Variants in HR observed in about 807,000 individuals in gnomAD.
HR encodes the protein lysine-specific demethylase hairless.
In HR, 83 loss-of-function variants were observed where a neutral mutation model predicts 128.6. The observed-to-expected ratio is 0.65, with a 90% CI of 0.54 to 0.77. HR has a LOEUF of 0.77. Among genes scored for constraint, HR ranks in the 30% least tolerant of loss-of-function variants. HR has a pLI of 0.00. For missense variants in HR, 1,490 were observed against 1,574.6 expected, an observed-to-expected ratio of 0.95 and a Z score of 0.91; for synonymous variants, 681 against 658.2, an observed-to-expected ratio of 1.03 and a Z score of -0.53.
chr8:22,127,828 C>A lies in HR; in HGVS notation c.614G>T (p.Gly205Val), dbSNP rs746502941. 3 of 1,598,544 alleles carry A rather than the reference C, an allele frequency of 1.9e-6. No homozygotes were observed. Among genetic ancestry groups the A allele is most frequent in the Admixed American group, 1.7e-5 (1 of 60,022 alleles). ...AATGCTCGGATCCTTGTAGTAAAAG[C>A]CCTAAAGAGGGGAGAAAGTGTTACG... ...VPSAFSLGSKGFYYKDPSIPR... is the reference protein window; with the variant it reads ...VPSAFSLGSKVFYYKDPSIPR... Residue 205 changes from glycine (G) to valine (V), a missense_variant and splice_region_variant, in exon 3 of 19, where the codon GGC (glycine) becomes GTC (valine). This residue lies in a region of HR where 1,060 missense variants were observed against 1,060.9 expected (regional missense o/e 1.00). Coordinates refer to ENST00000381418, the MANE Select transcript of HR (RefSeq NM_005144.5).
Position 22,123,629 on chromosome 8 carries a change from AC to A in HR, c.1915+19del. 1 of 123,836 alleles carries A rather than the reference AC, an allele frequency of 8.1e-6. No homozygotes were observed. Among genetic ancestry groups the A allele is most frequent in the Non-Finnish European group, 1.5e-5 (1 of 68,424 alleles). The allele number at this position is 123,836 out of a possible 1,614,324, so 7.7% of individuals were successfully genotyped here. Reference sequence around the variant, plus strand: ...CCTGAGGGCTCCATCCCGCCCTCCCACCCCCAGCCCCTCTCCTACCTGCTTT... The same window carrying A: ...CCTGAGGGCTCCATCCCGCCCTCCCACCCCAGCCCCTCTCCTACCTGCTTT... On this transcript the variant is annotated intron_variant, in intron 6 of 18. Transcript: ENST00000381418.
At chr8:22,128,276 C>A in intron 2 of HR, 1 of 564,364 alleles carries the variant, frequency 1.8e-6, no homozygotes, top group Admixed American at 3.1e-5. Context: ...CCAGGACAAG[C>A]CACACATTCC....
rs770296419 is a variant in HR at position 22,127,165 on chromosome 8, G to A, written c.1277C>T (p.Pro426Leu). The A allele has an allele frequency of 1.2e-6, 2 of 1,612,854 alleles. No individual in the cohort carries two copies. Among genetic ancestry groups the A allele is most frequent in the Non-Finnish European group, 8.5e-7 (1 of 1,179,936 alleles). The change falls in exon 3 of 19, where the codon CCA becomes CTA. Residue 426 changes from proline (P) to leucine (L), a missense_variant. Pro to Leu is a moderately conservative substitution (Grantham distance 98). Around this residue, in one of 3 missense-constraint regions of HR, gnomAD observed 1,060 missense variants for 1,060.9 expected, o/e 1.00. Transcript: ENST00000381418. ...AGGGTCCGGTGGCCGCTTGGGGGCT[G>A]GACTGCCCATTGCTCCCTGGACCTC... ...SPEVQGAMGS[P>L]APKRPPDPFP...
chr8:22,124,099 G>A (rs1356147996), intron 5 of HR, among the ~76,000 whole-genome samples: 9 of 152,152 alleles, frequency 5.9e-5, no homozygotes, highest in Admixed American at 5.9e-4. Context: ...TGCCCCCAGG[G>A]ACTTCCCCAC....
Position 22,125,685 on chromosome 8 carries a change from T to C in HR, c.1453A>G (p.Ile485Val), listed in dbSNP as rs746523235. The C allele has an allele frequency of 6.2e-7, 1 of 1,613,964 alleles. No homozygotes were observed. The highest frequency in any genetic ancestry group is 1.1e-5 in the South Asian group (1 of 91,006). Reference sequence around the variant, plus strand: ...TTTGCAGGGAGAGCCAGGCATGGTATGTCCTGAAGTCCCGGGTCCTGGAGA... The same window carrying C: ...TTTGCAGGGAGAGCCAGGCATGGTACGTCCTGAAGTCCCGGGTCCTGGAGA... ...ASLQDPGLQDIPCLALPAKLA... is the reference protein window; with the variant it reads ...ASLQDPGLQDVPCLALPAKLA... The change falls in exon 4 of 19, where the codon ATA (isoleucine) becomes GTA (valine). Residue 485 changes from isoleucine to valine, a missense_variant. Physicochemically the swap from Ile to Val is conservative, Grantham distance 29. Around this residue, in one of 3 missense-constraint regions of HR, gnomAD observed 1,060 missense variants for 1,060.9 expected, o/e 1.00. Coordinates refer to ENST00000381418, the MANE Select transcript of HR (RefSeq NM_005144.5).
chr8:22,130,153 C>T (rs984259641), intron 1 of HR, among the ~76,000 whole-genome samples: 2 of 152,242 alleles, frequency 1.3e-5, no homozygotes, highest in Non-Finnish European at 1.5e-5. Flanking sequence ...TGACAGGTGG[C>T]ACTAGAGCGG....
chr8:22,129,584 C>T (rs1448485263), intron 1 of HR, among the ~76,000 whole-genome samples: 1 of 152,278 alleles, frequency 6.6e-6, no homozygotes, highest in Non-Finnish European at 1.5e-5. Context: ...CTGTCCTATG[C>T]TGTATGGCCT....
chr8:22,129,283 G>A, intron 1 of HR, 73 bp from the exon 2 acceptor site: 1 of 1,350,190 alleles, frequency 7.4e-7, no homozygotes, highest in Non-Finnish European at 9.9e-7. Context: ...GCACAGAGTG[G>A]GCACCGCCCT....
Position 22,128,633 on chromosome 8 carries a change from G to A in HR, c.538C>T (p.Pro180Ser), listed in dbSNP as rs142704528. 6.3e-7 allele frequency: 1 copy of A among 1,599,548 alleles called. No homozygotes were observed. The highest frequency in any genetic ancestry group is 1.8e-5 in the Admixed American group (1 of 57,004). The stretch of plus-strand genomic sequence containing the variant: ...TATACCCAGGGGTGCGGGGTCAGGG[G>A]CCAGTCACATGGATGCTCTGGGGGC... ...GLPPEHPCDW[P>S]LTPHPWVYSG... The change falls in exon 2 of 19, where the codon CCC (proline) becomes TCC (serine). Residue 180 changes from proline to serine, a missense_variant. Pro to Ser is a moderately conservative substitution (Grantham distance 74, BLOSUM62 -1). This residue lies in a region of HR where 1,060 missense variants were observed against 1,060.9 expected (regional missense o/e 1.00). Coordinates refer to ENST00000381418, the MANE Select transcript of HR (RefSeq NM_005144.5).
chr8:22,125,756 G>A, intron 3 of HR, 24 bp from the exon 4 acceptor site: 2 of 1,612,734 alleles, frequency 1.2e-6, no homozygotes, highest in Non-Finnish European at 1.7e-6. Flanking sequence ...GCAGAGGTCA[G>A]GAATCTGGGT....
At chr8:22,120,625 G>T (rs1260468617) in intron 11 of HR, 91 bp downstream of exon 11, 70 of 1,571,216 alleles carry the variant, frequency 4.5e-5, no homozygotes, top group Non-Finnish European at 5.3e-5. Context: ...TGCTCCCCCT[G>T]AGCCACTGGG....
At position 22,119,846 on chromosome 8, in the gene HR, G is replaced by C. The variant is rs768042859; in HGVS notation, c.2891C>G (p.Ala964Gly). The change falls in exon 14 of 19, where the codon GCC (alanine) becomes GGC (glycine). Residue 964 changes from alanine to glycine, a missense_variant. Transcript: ENST00000381418. Reference sequence around the variant, plus strand: ...AGCCAGGTTGAGTTTTCCATGGAGGGCGCAGTACTCCGGAAGTGGCAGACT... The same window carrying C: ...AGCCAGGTTGAGTTTTCCATGGAGGCCGCAGTACTCCGGAAGTGGCAGACT... ...AASLPLPEYC[A>G]LHGKLNLASY... The C allele has an allele frequency of 3.1e-6, 5 of 1,613,880 alleles. No homozygotes were observed. The highest frequency in any genetic ancestry group is 4.2e-6 in the Non-Finnish European group (5 of 1,180,016).
At chr8:22,118,782 C>A (rs567859337) in intron 16 of HR, 168 bp downstream of exon 16, 21 of 626,568 alleles carry the variant, frequency 3.4e-5, no homozygotes, top group African/African-American at 2.0e-4. Context: ...GGCAGAACTC[C>A]GGGTCCCCTC....
At chr8:22,122,238 G>A (rs1826771711) in intron 8 of HR, among the ~76,000 whole-genome samples, 2 of 152,182 alleles carry the variant, frequency 1.3e-5, no homozygotes, top group South Asian at 4.1e-4. Context: ...GATGTGGCAA[G>A]CGCTGAACAA....
Position 22,115,446 on chromosome 8 carries a change from G to C in HR, c.*254C>G, listed in dbSNP as rs767155376. ...GGAGGAAGTCAATTGCCCCCAGTGC[G>C]GGCCTGGTACCATGAAAAGGGGCAC... On this transcript the variant is annotated 3_prime_UTR_variant, in exon 19 of 19. Coordinates refer to ENST00000381418, the MANE Select transcript of HR (RefSeq NM_005144.5). 1 of 587,242 alleles carries C rather than the reference G, an allele frequency of 1.7e-6. No homozygotes were observed. Among genetic ancestry groups the C allele is most frequent in the Non-Finnish European group, 3.1e-6 (1 of 326,714 alleles). The allele number at this position is 587,242 out of a possible 1,614,324, so 36.4% of individuals were successfully genotyped here.
chr8:22,119,087 G>A (rs1826667093), intron 15 of HR, 22 bp from the exon 16 acceptor site: 1 of 1,613,468 alleles, frequency 6.2e-7, no homozygotes, highest in African/African-American at 1.3e-5. Flanking sequence ...AGAGCGCTCA[G>A]GCAGGCCCAG....
Position 22,120,799 on chromosome 8 carries a change from C to G in HR, c.2527G>C (p.Gly843Arg). The G allele has an allele frequency of 3.9e-6, 6 of 1,544,516 alleles. No homozygotes were observed. Among genetic ancestry groups the G allele is most frequent in the Non-Finnish European group, 4.4e-6 (5 of 1,142,844 alleles). ...GGCTCCTGCAGCCACAGCAAAGCCC[C>G]TGGGGGAGGCAGCCGGGGCCGCACT... ...SPVRPRLPPP[G>R]ALLWLQEPQP... is the part of the protein sequence containing the mutation. Residue 843 changes from glycine to arginine, a missense_variant, in exon 11 of 19, where the codon GGG becomes CGG. Coordinates refer to ENST00000381418, the MANE Select transcript of HR (RefSeq NM_005144.5).
In HR at chr8:22,123,726, C is replaced by T. The variant is rs1303001164; in HGVS notation, c.1838G>A (p.Arg613Gln). ...CHHGLFNTHW[R>Q]CPRCSHRLCV... ...CAGCCGGTGGCTGCAGCGGGGACAT[C>T]GCCAGTGGGTGTTGAAGAGTCCATG... Residue 613 changes from arginine to glutamine, a missense_variant, in exon 6 of 19, where the codon CGA becomes CAA. This residue lies in a region of HR where 1,060 missense variants were observed against 1,060.9 expected (regional missense o/e 1.00). Transcript: ENST00000381418. 3.1e-6 allele frequency: 5 copies of T among 1,588,306 alleles called. No homozygotes were observed. Among genetic ancestry groups the T allele is most frequent in the South Asian group, 1.1e-5 (1 of 88,222 alleles).
intron 6 of HR, 49 bp downstream of exon 6, chr8:22,123,600 T>C: frequency 6.7e-7 from 1 of 1,485,944 alleles, no homozygotes; most frequent in Non-Finnish European, 9.0e-7. Context: ...CTTGCAGCAG[T>C]CCCCCTGAGG....
Sources: gnomAD v4.1 joint callset for allele counts (sites outside exome capture counted in the v4.1 genomes callset) on GRCh38, gnomAD v4.1.1 for gene constraint, gnomAD v4.1.1 regional missense constraint, MANE v1.5 for transcripts, NCBI Gene and HGNC (gene_info 2026-07-23, HGNC 2026-07-21) for gene names.